Variants in ZNF362 observed in about 807,000 individuals in gnomAD.
The protein encoded by ZNF362 is zinc finger protein 362.
ZNF362 carries 11 observed loss-of-function variants against 42.9 expected under a neutral mutation model. The observed-to-expected ratio is 0.26, with a 90% confidence interval of 0.16 to 0.42. The LOEUF is 0.42. Among genes scored for constraint, ZNF362 ranks in the 20% least tolerant of loss-of-function variants. The probability of loss-of-function intolerance (pLI) is 1.00; values close to 1 mark genes in which losing one functional copy is unlikely to be tolerated. For missense variants in ZNF362, 362 were observed against 576.2 expected, an observed-to-expected ratio of 0.63 and a Z score of 3.81; for synonymous variants, 255 against 257.3, an observed-to-expected ratio of 0.99 and a Z score of 0.09.
Position 33,299,029 on chromosome 1 carries a change from C to G in ZNF362, c.1246C>G (p.Arg416Gly). The part of the protein sequence containing the change: ...QRTESPGIPV[R>G]ISLI Reference sequence around the variant, plus strand: ...GACGGAGTCCCCCGGCATCCCGGTGCGAATCTCTCTCATCTGAGCCCACTG... The same window carrying G: ...GACGGAGTCCCCCGGCATCCCGGTGGGAATCTCTCTCATCTGAGCCCACTG... The change falls in exon 9 of 9, where the codon CGA becomes GGA. Residue 416 changes from arginine (R) to glycine (G), a missense_variant. Physicochemically the swap from Arg to Gly is moderately radical, Grantham distance 125. Transcript: ENST00000539719. 1 of 1,610,044 alleles carries G rather than the reference C, an allele frequency of 6.2e-7. No individual in the cohort carries two copies. The highest frequency in any genetic ancestry group is 8.5e-7 in the Non-Finnish European group (1 of 1,179,914).
chr1:33,150,611 A>C, the ZNF362 span, among the ~76,000 whole-genome samples: 1 of 152,322 alleles, frequency 6.6e-6, no homozygotes, highest in East Asian at 1.9e-4. Flanking sequence ...CCAAGAGAGG[A>C]CGGCCACTGA....
chr1:33,276,574 C>G lies in ZNF362; in HGVS notation c.329C>G (p.Pro110Arg), dbSNP rs746130066. The G allele has an allele frequency of 2.2e-6, 3 of 1,376,832 alleles. No individual in the cohort carries two copies. Among genetic ancestry groups the G allele is most frequent in the Non-Finnish European group, 2.8e-6 (3 of 1,071,458 alleles). The allele number at this position is 1,376,832 out of a possible 1,614,324, so 85.3% of individuals were successfully genotyped here. The change falls in exon 4 of 9, where the codon CCG (proline) becomes CGG (arginine). Residue 110 changes from proline (P) to arginine (R), a missense_variant. Physicochemically the swap from Pro to Arg is moderately radical, Grantham distance 103. This residue lies in a region of ZNF362 where 266 missense variants were observed against 365.4 expected (regional missense o/e 0.73). Coordinates refer to ENST00000539719, the MANE Select transcript of ZNF362 (RefSeq NM_152493.3). ...PQPDVALHAR[P>R]ATSTVTGLGL... ...CCCGACGTGGCGCTGCACGCACGGC[C>G]GGCCACCAGCACCGTCACAGGTAGG...
At chr1:33,286,797 C>T (rs1290954240) in intron 6 of ZNF362, among the ~76,000 whole-genome samples, 1 of 152,152 alleles carries the variant, frequency 6.6e-6, no homozygotes, top group Non-Finnish European at 1.5e-5. Flanking sequence ...ACTTATTTGT[C>T]CCTTGGCAGA....
the ZNF362 span, among the ~76,000 whole-genome samples, chr1:33,182,937 T>C: frequency 6.6e-6 from 1 of 152,160 alleles, no homozygotes; most frequent in Admixed American, 6.5e-5. Flanking sequence ...TCAGGAAGTC[T>C]TGGAGATAAT....
chr1:33,285,531 T>A (rs1443045337), intron 6 of ZNF362, among the ~76,000 whole-genome samples: 1 of 152,228 alleles, frequency 6.6e-6, no homozygotes, highest in East Asian at 1.9e-4. Flanking sequence ...AGACAAAATC[T>A]TCTTAAAGAA....
chr1:33,193,004 C>CACACACACATATATATATATAT, the ZNF362 span, among the ~76,000 whole-genome samples: 63 of 137,278 alleles, frequency 4.6e-4, no homozygotes, highest in South Asian at 3.0e-3. Flanking sequence ...CACACACACA[C>CACACACACATATATATATATAT]ATATATATAT....
intron 1 of ZNF362, among the ~76,000 whole-genome samples, chr1:33,264,512 C>A (rs539866726): frequency 4.6e-5 from 7 of 152,192 alleles, no homozygotes; most frequent in Non-Finnish European, 1.0e-4. Flanking sequence ...ATACCATAAT[C>A]ATCCCCAGTT....
At chr1:33,256,841 G>GGCGGCA (rs1645795518) in intron 1 of ZNF362, among the ~76,000 whole-genome samples, 187 bp downstream of exon 1, 3 of 147,730 alleles carry the variant, frequency 2.0e-5, no homozygotes, top group African/African-American at 4.9e-5. Context: ...CGGCGGCGGC[G>GGCGGCA]GCGGCAGCGG....
At chr1:33,168,318 A>C in the ZNF362 span, among the ~76,000 whole-genome samples, 6 of 152,226 alleles carry the variant, frequency 3.9e-5, no homozygotes, top group Non-Finnish European at 7.3e-5. Flanking sequence ...CGAGTCCCTG[A>C]TGACTGTGGG....
chr1:33,235,236 C>T, the ZNF362 span, among the ~76,000 whole-genome samples: 1 of 152,066 alleles, frequency 6.6e-6, no homozygotes, highest in South Asian at 2.1e-4. Context: ...CTTTCCTGTG[C>T]TGATTTCTCC....
intron 8 of ZNF362, among the ~76,000 whole-genome samples, chr1:33,296,061 T>C (rs12041371): frequency 0.52 from 78,858 of 151,980 alleles, 21,498 homozygotes; most frequent in Admixed American, 0.64. Context: ...CTATTTTTTG[T>C]CCCCAGGGAA....
chr1:33,136,113 C>CCCTTT, the ZNF362 span, among the ~76,000 whole-genome samples: 524 of 103,570 alleles, frequency 5.1e-3, 3 homozygotes, highest in African/African-American at 0.019. Context: ...CAGGGGCCAG[C>CCCTTT]CCTTCCTTCC....
the ZNF362 span, among the ~76,000 whole-genome samples, chr1:33,173,203 AC>A: frequency 6.6e-6 from 1 of 152,018 alleles, no homozygotes; most frequent in Non-Finnish European, 1.5e-5. Context: ...CTCCCTGTGC[AC>A]TTCTGAGCCA....
the ZNF362 span, among the ~76,000 whole-genome samples, chr1:33,189,878 G>T: frequency 6.6e-6 from 1 of 151,522 alleles, no homozygotes; most frequent in South Asian, 2.1e-4. Flanking sequence ...GGGGAAAATA[G>T]TCACAGGAGG....
chr1:33,209,883 T>C, the ZNF362 span, among the ~76,000 whole-genome samples: 5 of 152,180 alleles, frequency 3.3e-5, no homozygotes, highest in Non-Finnish European at 7.3e-5. Flanking sequence ...AGCTCCTGGA[T>C]TCATTGATTT....
intron 6 of ZNF362, among the ~76,000 whole-genome samples, chr1:33,293,492 GC>G (rs796843567): frequency 1.8e-4 from 27 of 152,316 alleles, no homozygotes; most frequent in African/African-American, 6.5e-4. Context: ...ACTGGGCCTG[GC>G]CAGAGGGGCT....
intron 8 of ZNF362, among the ~76,000 whole-genome samples, chr1:33,298,663 A>C (rs963673275): frequency 6.6e-6 from 1 of 152,202 alleles, no homozygotes; most frequent in Non-Finnish European, 1.5e-5. Context: ...AGCTACATCC[A>C]GGTGGCAAGG....
chr1:33,215,657 A>G, the ZNF362 span, among the ~76,000 whole-genome samples: 1 of 152,140 alleles, frequency 6.6e-6, no homozygotes, highest in Non-Finnish European at 1.5e-5. Flanking sequence ...ATAGTCACTA[A>G]CATTTTTTAA....
At chr1:33,203,622 C>T in the ZNF362 span, among the ~76,000 whole-genome samples, 2 of 152,126 alleles carry the variant, frequency 1.3e-5, no homozygotes, top group Admixed American at 1.3e-4. Context: ...TCTCCACACT[C>T]TTAACATGTG....
Sources: gnomAD v4.1 joint callset for allele counts (sites outside exome capture counted in the v4.1 genomes callset) on GRCh38, gnomAD v4.1.1 for gene constraint, gnomAD v4.1.1 regional missense constraint, MANE v1.5 for transcripts, NCBI Gene and HGNC (gene_info 2026-07-23, HGNC 2026-07-21) for gene names.